CEP85L: variants seen among roughly 807,000 people sequenced by gnomAD.
The protein encoded by CEP85L is centrosomal protein of 85 kDa-like.
A neutral mutation model predicts 100.3 loss-of-function variants in CEP85L; 60 were observed. That is an observed-to-expected ratio of 0.60 (90% confidence interval 0.49 to 0.74). The LOEUF (loss-of-function observed/expected upper bound fraction) is 0.74, where lower values mean the gene tolerates loss of function less well. Among genes scored for constraint, CEP85L ranks in the 30% least tolerant of loss-of-function variants. CEP85L has a pLI of 0.00. For missense variants in CEP85L, 973 were observed against 936.2 expected, an observed-to-expected ratio of 1.04 and a Z score of -0.51; for synonymous variants, 319 against 322.7, an observed-to-expected ratio of 0.99 and a Z score of 0.12.
At chr6:118,527,013 T>C (rs952476794) in intron 3 of CEP85L, among the ~76,000 whole-genome samples, 1 of 144,802 alleles carries the variant, frequency 6.9e-6, no homozygotes. Context: ...TTTTTTTTTT[T>C]TTTTTTTTTT....
chr6:118,585,223 TAC>T (rs1780790095), intron 2 of CEP85L, among the ~76,000 whole-genome samples: 1 of 152,244 alleles, frequency 6.6e-6, no homozygotes, highest in South Asian at 2.1e-4. Flanking sequence ...AGCTAACATT[TAC>T]ACAGACTCCA....
chr6:118,480,342 A>G, intron 9 of CEP85L, 54 bp downstream of exon 9: 1 of 894,966 alleles, frequency 1.1e-6, no homozygotes. Flanking sequence ...GTATCTATAC[A>G]CACATATCCA....
In CEP85L at chr6:118,470,626, A is replaced by C; in HGVS notation, c.1933T>G (p.Ser645Ala). Residue 645 changes from serine to alanine, a missense_variant, in exon 11 of 13, where the codon TCT (serine) becomes GCT (alanine). Transcript: ENST00000368491. ...LEIQSMQGKL[S>A]KEKLTTQKMM... ...TTTTGAGTGGTCAGTTTCTCTTTAG[A>C]AAGCTTTCCTTGCATAGACTAGAAT... 6.2e-7 allele frequency: 1 copy of C among 1,601,494 alleles called. No individual in the cohort carries two copies. Among genetic ancestry groups the C allele is most frequent in the Non-Finnish European group, 8.5e-7 (1 of 1,173,788 alleles).
At chr6:118,681,460 T>C (rs1323335748) in intron 1 of CEP85L, among the ~76,000 whole-genome samples, 1 of 152,152 alleles carries the variant, frequency 6.6e-6, no homozygotes, top group East Asian at 1.9e-4. Flanking sequence ...ATTCAGACGA[T>C]TTTTTCAACA....
At chr6:118,586,696 T>C (rs1780882458) in intron 2 of CEP85L, among the ~76,000 whole-genome samples, 1 of 152,166 alleles carries the variant, frequency 6.6e-6, no homozygotes, top group Non-Finnish European at 1.5e-5. Context: ...GATAAGTAAC[T>C]ATATGAGAAC....
At chr6:118,470,444 T>A in intron 11 of CEP85L, 93 bp downstream of exon 11, 1 of 592,738 alleles carries the variant, frequency 1.7e-6, no homozygotes, top group East Asian at 3.1e-5. Flanking sequence ...CAAAATCATG[T>A]CTTTAATCTG....
rs146376290 is a variant in CEP85L at position 118,629,842 on chromosome 6, C to T, written c.232+2611G>A. Among the ~76,000 whole-genome samples the T allele has an allele frequency of 4.4e-3, 671 of 152,284 alleles. 8 individuals carry two copies. The highest frequency in any genetic ancestry group is 0.016 in the African/African-American group (650 of 41,544). ...CAGTAAGCTGTTCATGATCCATTTGCTTCCAACCCACTTCTCTCCTTTCTA... is the reference window on the plus strand; with the variant it reads ...CAGTAAGCTGTTCATGATCCATTTGTTTCCAACCCACTTCTCTCCTTTCTA... On this transcript the variant is annotated intron_variant, in intron 2 of 12. Transcript: ENST00000368491.
chr6:118,672,287 C>T (rs1776331784), intron 1 of CEP85L, among the ~76,000 whole-genome samples: 1 of 152,190 alleles, frequency 6.6e-6, no homozygotes, highest in Admixed American at 6.5e-5. Flanking sequence ...ATCTGCCCAC[C>T]TTGGCCTCCC....
intron 3 of CEP85L, among the ~76,000 whole-genome samples, chr6:118,564,739 T>C (rs1393006712): frequency 6.6e-6 from 1 of 152,210 alleles, no homozygotes; most frequent in African/African-American, 2.4e-5. Context: ...TTGCAATTTT[T>C]TATAGAATTA....
intron 2 of CEP85L, among the ~76,000 whole-genome samples, chr6:118,625,572 A>C (rs905590476): frequency 6.6e-6 from 1 of 152,166 alleles, no homozygotes; most frequent in Non-Finnish European, 1.5e-5. Flanking sequence ...TGGCCCTCCA[A>C]AAACGAAGGG....
chr6:118,518,256 G>C (rs1776403357), intron 4 of CEP85L, among the ~76,000 whole-genome samples: 1 of 152,160 alleles, frequency 6.6e-6, no homozygotes. Flanking sequence ...AAATGAGTTA[G>C]GGAGGATTCC....
chr6:118,676,953 A>AT (rs558550015), intron 1 of CEP85L, among the ~76,000 whole-genome samples: 42 of 151,742 alleles, frequency 2.8e-4, no homozygotes, highest in African/African-American at 9.7e-4. Context: ...GATACTGAGC[A>AT]TTTTTTTTCA....
At chr6:118,605,752 C>T (rs895506169) in intron 2 of CEP85L, among the ~76,000 whole-genome samples, 7 of 152,154 alleles carry the variant, frequency 4.6e-5, no homozygotes, top group Non-Finnish European at 1.0e-4. Context: ...ATGGCTCGGG[C>T]CTGTAATCCC....
intron 6 of CEP85L, 64 bp downstream of exon 6, chr6:118,491,621 CA>C (rs780996602): frequency 2.6e-5 from 40 of 1,557,096 alleles, no homozygotes; most frequent in Non-Finnish European, 3.3e-5. Flanking sequence ...GGGTAAATGA[CA>C]GACAAATAAT....
At chr6:118,601,234 T>C (rs1272083770) in intron 2 of CEP85L, among the ~76,000 whole-genome samples, 5 of 152,226 alleles carry the variant, frequency 3.3e-5, no homozygotes, top group African/African-American at 1.2e-4. Flanking sequence ...TAAAACATAG[T>C]AACAGCTATA....
chr6:118,668,683 GT>G (rs1776206003), intron 1 of CEP85L, among the ~76,000 whole-genome samples: 1 of 152,212 alleles, frequency 6.6e-6, no homozygotes, highest in African/African-American at 2.4e-5. Context: ...TGAAATCATA[GT>G]TGAAAATGTG....
chr6:118,517,090 T>C (rs1776328134), intron 4 of CEP85L, among the ~76,000 whole-genome samples: 1 of 152,228 alleles, frequency 6.6e-6, no homozygotes, highest in African/African-American at 2.4e-5. Context: ...GCCTCTGTTC[T>C]GTTCCATTCG....
At chr6:118,633,988 T>G (rs1774334364) in intron 1 of CEP85L, among the ~76,000 whole-genome samples, 1 of 152,250 alleles carries the variant, frequency 6.6e-6, no homozygotes, top group Non-Finnish European at 1.5e-5. Flanking sequence ...CCACATAATT[T>G]CAATGCTCCC....
intron 1 of CEP85L, among the ~76,000 whole-genome samples, chr6:118,635,380 AAG>A (rs1774429762): frequency 6.6e-6 from 1 of 152,146 alleles, no homozygotes; most frequent in Non-Finnish European, 1.5e-5. Context: ...ACAGCTGGAG[AAG>A]AGTTTGTACA....
Sources: gnomAD v4.1 joint callset for allele counts (sites outside exome capture counted in the v4.1 genomes callset) on GRCh38, gnomAD v4.1.1 for gene constraint, MANE v1.5 for transcripts, NCBI Gene and HGNC (gene_info 2026-07-23, HGNC 2026-07-21) for gene names.